The following LRMDA variants were observed in gnomAD, a reference collection of about 807,000 sequenced individuals.
LRMDA encodes the protein leucine-rich melanocyte differentiation-associated protein.
Under a neutral mutation model 29.8 loss-of-function variants are expected in LRMDA, and 18 were observed. The ratio of observed to expected loss-of-function variants is 0.60; its 90% CI spans 0.42 to 0.90. The LOEUF (loss-of-function observed/expected upper bound fraction) is 0.90. Ranked by LOEUF, LRMDA falls within the 40% of genes least tolerant of loss-of-function variation. The pLI is 0.00. For missense variants in LRMDA, 273 were observed against 273.9 expected (o/e 1.00, Z 0.02); for synonymous variants, 125 against 109.4 (o/e 1.14, Z -0.89).
intron 2 of LRMDA, among the ~76,000 whole-genome samples, chr10:75,477,051 C>T (rs1290021471): frequency 6.6e-5 from 10 of 151,498 alleles, no homozygotes; most frequent in East Asian, 1.9e-4. Context: ...AGTACAGTGG[C>T]GCCAACACAG....
chr10:75,810,712 A>G (rs1205102859), intron 2 of LRMDA, among the ~76,000 whole-genome samples: 1 of 152,116 alleles, frequency 6.6e-6, no homozygotes, highest in Non-Finnish European at 1.5e-5. Flanking sequence ...GACAATTACA[A>G]ACTGGGTTCT....
chr10:76,351,598 C>G (rs1477032573), intron 6 of LRMDA, among the ~76,000 whole-genome samples: 4 of 151,904 alleles, frequency 2.6e-5, no homozygotes, highest in African/African-American at 4.8e-5. Context: ...GTAATGAACA[C>G]AGCTACCAAT....
chr10:76,424,219 A>G (rs1842099922), intron 6 of LRMDA, among the ~76,000 whole-genome samples: 1 of 152,198 alleles, frequency 6.6e-6, no homozygotes, highest in Non-Finnish European at 1.5e-5. Flanking sequence ...ATGAATAACA[A>G]TCACACCTTA....
At chr10:75,688,215 G>GC (rs1292913126) in intron 2 of LRMDA, among the ~76,000 whole-genome samples, 1 of 152,192 alleles carries the variant, frequency 6.6e-6, no homozygotes, top group Non-Finnish European at 1.5e-5. Flanking sequence ...TGATTTCTCT[G>GC]ATGGATCTGT....
intron 2 of LRMDA, among the ~76,000 whole-genome samples, chr10:75,938,048 T>G (rs1282525998): frequency 6.6e-6 from 1 of 152,200 alleles, no homozygotes; most frequent in Non-Finnish European, 1.5e-5. Context: ...TGGAGGAAAT[T>G]GTAGGACAAA....
At chr10:75,971,689 G>GT (rs911266110) in intron 2 of LRMDA, among the ~76,000 whole-genome samples, 7 of 152,018 alleles carry the variant, frequency 4.6e-5, no homozygotes, top group African/African-American at 1.7e-4. Flanking sequence ...ATTATGATCT[G>GT]TTTTTTTAGT....
chr10:76,032,278 GC>G (rs1848162219), intron 2 of LRMDA, among the ~76,000 whole-genome samples: 1 of 152,158 alleles, frequency 6.6e-6, no homozygotes, highest in Admixed American at 6.5e-5. Flanking sequence ...GGGGCCCCTG[GC>G]CCCCTACCCA....
Position 75,629,869 on chromosome 10 carries a change from A to G in LRMDA, c.131+191375A>G, listed in dbSNP as rs117816127. ...TAGCTATATTAATACCACTTCAGTA[A>G]TAGACCTCTGCTGGCTATTGTTGGC... On this transcript the variant is annotated intron_variant, in intron 2 of 6. Transcript: ENST00000611255. Among the ~76,000 whole-genome samples, 1,191 of 152,318 alleles carry G rather than the reference A, an allele frequency of 7.8e-3. 10 individuals are homozygous for G. Among genetic ancestry groups the G allele is most frequent in the Middle Eastern group, 0.054 (16 of 294 alleles).
intron 2 of LRMDA, among the ~76,000 whole-genome samples, chr10:75,574,014 A>G (rs1474589285): frequency 6.6e-6 from 1 of 151,980 alleles, no homozygotes; most frequent in Non-Finnish European, 1.5e-5. Context: ...GAGGCATGAG[A>G]AACAGCATGC....
At chr10:76,272,015 A>G (rs188951110) in intron 5 of LRMDA, among the ~76,000 whole-genome samples, 50 of 152,346 alleles carry the variant, frequency 3.3e-4, no homozygotes, top group Non-Finnish European at 4.4e-5. Flanking sequence ...TGTATGGGCT[A>G]CATCCCTCTC....
intron 2 of LRMDA, among the ~76,000 whole-genome samples, chr10:75,855,151 C>T: frequency 6.6e-6 from 1 of 152,154 alleles, no homozygotes; most frequent in East Asian, 1.9e-4. Context: ...AGACTGACTT[C>T]CACAAGGGTT....
chr10:76,486,563 C>G (rs750324781), intron 6 of LRMDA, among the ~76,000 whole-genome samples: 12 of 152,010 alleles, frequency 7.9e-5, no homozygotes, highest in East Asian at 3.9e-4. Flanking sequence ...TGAAGAGTCC[C>G]TTTTCCTGAT....
At chr10:75,624,778 T>C (rs539008306) in intron 2 of LRMDA, among the ~76,000 whole-genome samples, 1 of 152,322 alleles carries the variant, frequency 6.6e-6, no homozygotes, top group South Asian at 2.1e-4. Flanking sequence ...TCTGATAAAT[T>C]TTCACTTGTG....
intron 2 of LRMDA, among the ~76,000 whole-genome samples, chr10:75,763,261 G>C (rs1270480952): frequency 6.6e-6 from 1 of 151,878 alleles, no homozygotes. Context: ...AGATTTTGGA[G>C]TCATTTCAGA....
chr10:76,191,509 A>C (rs1851246530), intron 5 of LRMDA, among the ~76,000 whole-genome samples: 1 of 152,214 alleles, frequency 6.6e-6, no homozygotes, highest in Non-Finnish European at 1.5e-5. Flanking sequence ...CCTTAGATTA[A>C]ATCAACTGAA....
chr10:75,911,356 C>T (rs974923574), intron 2 of LRMDA, among the ~76,000 whole-genome samples: 4 of 152,040 alleles, frequency 2.6e-5, no homozygotes, highest in Admixed American at 2.6e-4. Context: ...ACAGAAGATC[C>T]CCTAATGTAT....
At chr10:75,981,241 G>A (rs942147590) in intron 2 of LRMDA, among the ~76,000 whole-genome samples, 4 of 152,170 alleles carry the variant, frequency 2.6e-5, no homozygotes, top group Non-Finnish European at 5.9e-5. Context: ...AGACATTTAA[G>A]TCCATTTGTC....
intron 2 of LRMDA, among the ~76,000 whole-genome samples, chr10:75,843,111 A>G (rs1844570213): frequency 6.6e-6 from 1 of 152,236 alleles, no homozygotes; most frequent in Admixed American, 6.5e-5. Context: ...TGTCTCATTC[A>G]TTTTTGTTTC....
intron 2 of LRMDA, among the ~76,000 whole-genome samples, chr10:75,699,781 G>A (rs1842282680): frequency 6.6e-6 from 1 of 152,232 alleles, no homozygotes; most frequent in Non-Finnish European, 1.5e-5. Context: ...CTTTGCAGAT[G>A]TGATTAGGTT....
Sources: allele counts gnomAD v4.1 joint callset (sites outside exome capture counted in the v4.1 genomes callset), GRCh38; gene constraint gnomAD v4.1.1; transcripts MANE v1.5; gene names NCBI Gene and HGNC (gene_info 2026-07-23, HGNC 2026-07-21).